The following PCSK2 variants were observed in gnomAD, a reference collection of about 807,000 sequenced individuals.
PCSK2 encodes the protein neuroendocrine convertase 2.
PCSK2 carries 14 observed loss-of-function variants against 69.7 expected under a neutral mutation model. The observed-to-expected ratio is 0.20, with a 90% confidence interval of 0.13 to 0.31. PCSK2 has a LOEUF of 0.31. Ranked by LOEUF, PCSK2 falls within the 10% of genes least tolerant of loss-of-function variation. The pLI, the probability that PCSK2 is intolerant of heterozygous loss-of-function variation, is 1.00. For missense variants in PCSK2, 544 were observed against 842.5 expected, an observed-to-expected ratio of 0.65 and a Z score of 4.39; for synonymous variants, 307 against 320.7, an observed-to-expected ratio of 0.96 and a Z score of 0.46.
intron 1 of PCSK2, among the ~76,000 whole-genome samples, chr20:17,257,841 G>A (rs1038793283): frequency 6.6e-6 from 1 of 152,130 alleles, no homozygotes; most frequent in Non-Finnish European, 1.5e-5. Flanking sequence ...AAGTGTCCAG[G>A]AATATATTAG....
chr20:17,237,042 C>T (rs1236536412), intron 1 of PCSK2, among the ~76,000 whole-genome samples: 1 of 152,098 alleles, frequency 6.6e-6, no homozygotes. Context: ...TTTATGGTGG[C>T]ACCAGCAGAC....
chr20:17,438,633 C>T (rs1322380402), intron 8 of PCSK2, among the ~76,000 whole-genome samples: 1 of 152,206 alleles, frequency 6.6e-6, no homozygotes, highest in Non-Finnish European at 1.5e-5. Flanking sequence ...TCCCCTTTAC[C>T]AGGCCTGGGG....
At chr20:17,360,299 A>G (rs1049816214) in intron 3 of PCSK2, among the ~76,000 whole-genome samples, 1 of 151,430 alleles carries the variant, frequency 6.6e-6, no homozygotes, top group East Asian at 1.9e-4. Context: ...CTATGTTTGC[A>G]TATTTACAGA....
chr20:17,378,998 T>C (rs996262244), intron 5 of PCSK2, among the ~76,000 whole-genome samples: 19 of 152,228 alleles, frequency 1.2e-4, no homozygotes, highest in African/African-American at 4.6e-4. Flanking sequence ...AACCTTTAGG[T>C]GACCAAGCCT....
intron 10 of PCSK2, among the ~76,000 whole-genome samples, chr20:17,457,557 T>C (rs1411311588): frequency 6.6e-6 from 1 of 152,186 alleles, no homozygotes; most frequent in Non-Finnish European, 1.5e-5. Flanking sequence ...AAAATTCAGA[T>C]AGAAAATTTA....
chr20:17,402,070 C>T (rs941202963), intron 5 of PCSK2, among the ~76,000 whole-genome samples: 2 of 152,196 alleles, frequency 1.3e-5, no homozygotes, highest in Non-Finnish European at 2.9e-5. Context: ...AAGACATAGA[C>T]AGGCAAAGGC....
intron 9 of PCSK2, among the ~76,000 whole-genome samples, chr20:17,455,801 T>G (rs569409608): frequency 6.6e-6 from 1 of 152,382 alleles, no homozygotes; most frequent in East Asian, 1.9e-4. Flanking sequence ...TCATTTATCT[T>G]GTGGACACTG....
chr20:17,370,037 G>A (rs1329126085), intron 5 of PCSK2, among the ~76,000 whole-genome samples: 1 of 152,192 alleles, frequency 6.6e-6, no homozygotes, highest in Non-Finnish European at 1.5e-5. Flanking sequence ...TTTTGACTCA[G>A]CAGTTCACAC....
intron 1 of PCSK2, among the ~76,000 whole-genome samples, chr20:17,229,782 T>C (rs1035398274): frequency 6.6e-6 from 1 of 152,120 alleles, no homozygotes; most frequent in Non-Finnish European, 1.5e-5. Flanking sequence ...CCATGTCTTG[T>C]CCATTCTTCA....
chr20:17,388,004 A>G (rs1203340637), intron 5 of PCSK2, among the ~76,000 whole-genome samples: 1 of 152,198 alleles, frequency 6.6e-6, no homozygotes, highest in Non-Finnish European at 1.5e-5. Flanking sequence ...TGATACCTTA[A>G]GAATGAGGAG....
chr20:17,327,066 C>T (rs1033796976), intron 2 of PCSK2, among the ~76,000 whole-genome samples: 2 of 152,218 alleles, frequency 1.3e-5, no homozygotes, highest in Admixed American at 6.5e-5. Context: ...CTAGACCCAA[C>T]TCCAAGCTTC....
intron 2 of PCSK2, among the ~76,000 whole-genome samples, chr20:17,298,756 G>A (rs530405392): frequency 1.7e-4 from 26 of 152,038 alleles, no homozygotes; most frequent in African/African-American, 5.1e-4. Context: ...TAAGCTGCCA[G>A]TATTTGAGCA....
At chr20:17,261,733 C>A (rs1446933769) in intron 2 of PCSK2, among the ~76,000 whole-genome samples, 2 of 152,176 alleles carry the variant, frequency 1.3e-5, no homozygotes, top group Non-Finnish European at 2.9e-5. Context: ...GCCCTGAACC[C>A]AAGGTGGGCA....
intron 5 of PCSK2, among the ~76,000 whole-genome samples, chr20:17,382,787 G>A (rs1326164294): frequency 6.6e-6 from 1 of 152,040 alleles, no homozygotes; most frequent in Non-Finnish European, 1.5e-5. Flanking sequence ...AAACCAACAG[G>A]TGGCTCTCCC....
chr20:17,409,988 C>T (rs16999120), intron 6 of PCSK2, among the ~76,000 whole-genome samples: 1,766 of 152,186 alleles, frequency 0.012, 36 homozygotes, highest in African/African-American at 0.04. Flanking sequence ...TAAAGATGTG[C>T]GGTTTGCTCA....
intron 4 of PCSK2, among the ~76,000 whole-genome samples, chr20:17,363,929 A>G (rs2030496365): frequency 6.6e-6 from 1 of 152,166 alleles, no homozygotes; most frequent in Admixed American, 6.5e-5. Context: ...AACTAATTCT[A>G]ACCACCATTC....
chr20:17,308,454 T>A (rs1483873823), intron 2 of PCSK2, among the ~76,000 whole-genome samples: 1 of 152,082 alleles, frequency 6.6e-6, no homozygotes, highest in Non-Finnish European at 1.5e-5. Flanking sequence ...CATGCAAAGA[T>A]CTGAGGGAAG....
intron 2 of PCSK2, among the ~76,000 whole-genome samples, chr20:17,266,537 T>G (rs754536690): frequency 2.6e-5 from 4 of 152,192 alleles, no homozygotes; most frequent in Non-Finnish European, 5.9e-5. Context: ...TAGAATTCAC[T>G]CCCTAAGGCG....
Position 17,410,126 on chromosome 20 carries a change from A to AT in PCSK2, c.620+798dup, listed in dbSNP as rs60293985. 1.4e-3 allele frequency among the ~76,000 whole-genome samples: 209 copies of AT among 148,002 alleles called. 1 individual carries two copies. The highest frequency in any genetic ancestry group is 5.6e-3 in the South Asian group (26 of 4,668). On this transcript the variant is annotated intron_variant, in intron 6 of 11. Coordinates refer to ENST00000262545, the MANE Select transcript of PCSK2 (RefSeq NM_002594.5). ...ATATGATGTGCAGAGCACTTTATCC[A>AT]TTTTTTTTTTTATTTCTCATGGCAC... is the stretch of plus-strand genomic sequence containing the variant.
Sources: allele counts gnomAD v4.1 joint callset (sites outside exome capture counted in the v4.1 genomes callset), GRCh38; gene constraint gnomAD v4.1.1; transcripts MANE v1.5; gene names NCBI Gene and HGNC (gene_info 2026-07-23, HGNC 2026-07-21).